Variants in ANXA8 observed in about 807,000 individuals in gnomAD.
ANXA8 encodes annexin A8.
Under a neutral mutation model 26.8 loss-of-function variants are expected in ANXA8, and 9 were observed. The ratio of observed to expected loss-of-function variants is 0.34; its 90% CI spans 0.20 to 0.59. ANXA8 has a LOEUF of 0.59. Ranked by LOEUF, ANXA8 falls within the 20% of genes least tolerant of loss-of-function variation. The pLI, the probability that ANXA8 is intolerant of heterozygous loss-of-function variation, is 0.84. For synonymous variants in ANXA8, 39 were observed against 94.8 expected (o/e 0.41, Z 3.42); for missense variants, 83 against 238.5 (o/e 0.35, Z 4.29).
chr10:47,666,806 AT>A, the ANXA8 span, among the ~76,000 whole-genome samples: 1 of 151,812 alleles, frequency 6.6e-6, no homozygotes, highest in Admixed American at 6.6e-5. Flanking sequence ...CTCCACCTTC[AT>A]TTCCTCTTCT....
the ANXA8 span, among the ~76,000 whole-genome samples, chr10:47,599,174 T>C: frequency 6.9e-6 from 1 of 144,656 alleles, no homozygotes; most frequent in Non-Finnish European, 1.5e-5. Flanking sequence ...CATATTTAAG[T>C]GACTACACTA....
the ANXA8 span, among the ~76,000 whole-genome samples, chr10:47,937,211 T>C: frequency 6.7e-6 from 1 of 149,474 alleles, no homozygotes; most frequent in Non-Finnish European, 1.5e-5. Flanking sequence ...CCGAAAGAGG[T>C]GCCTGGGCCC....
the ANXA8 span, among the ~76,000 whole-genome samples, chr10:47,552,714 G>T: frequency 6.6e-6 from 1 of 151,872 alleles, no homozygotes; most frequent in Non-Finnish European, 1.5e-5. Context: ...GGAATATCGG[G>T]CTGCATAAAA....
the ANXA8 span, among the ~76,000 whole-genome samples, chr10:47,695,232 G>A: frequency 1.8e-4 from 27 of 151,010 alleles, 1 homozygote; most frequent in East Asian, 9.7e-4. Flanking sequence ...TATATCACTC[G>A]CCTGAACTCA....
the ANXA8 span, among the ~76,000 whole-genome samples, chr10:47,681,155 G>A: frequency 6.6e-6 from 1 of 151,980 alleles, no homozygotes; most frequent in African/African-American, 2.4e-5. Flanking sequence ...GCAGGTGGAG[G>A]TGGAGAAAAG....
At chr10:47,578,707 AAC>A in the ANXA8 span, among the ~76,000 whole-genome samples, 1 of 118,960 alleles carries the variant, frequency 8.4e-6, no homozygotes, top group Non-Finnish European at 1.7e-5. Context: ...ACAGAAAAGG[AAC>A]TAAGAAAGGA....
the ANXA8 span, among the ~76,000 whole-genome samples, chr10:47,554,712 G>A: frequency 1.3e-5 from 2 of 151,460 alleles, no homozygotes; most frequent in Non-Finnish European, 2.9e-5. Context: ...CAGGCTTCAG[G>A]TCCTGTCACA....
the ANXA8 span, chr10:47,986,293 T>A: frequency 1.7e-5 from 3 of 173,062 alleles, no homozygotes; most frequent in African/African-American, 7.3e-5. Flanking sequence ...TTGTCTACGT[T>A]CCTTTGTGAA....
chr10:47,959,327 A>C, the ANXA8 span, among the ~76,000 whole-genome samples: 2 of 147,572 alleles, frequency 1.4e-5, no homozygotes, highest in South Asian at 4.2e-4. Flanking sequence ...TGCTTTGAGA[A>C]AAGGAATCCT....
At chr10:47,580,796 C>T in the ANXA8 span, among the ~76,000 whole-genome samples, 1 of 149,754 alleles carries the variant, frequency 6.7e-6, no homozygotes, top group Non-Finnish European at 1.5e-5. Flanking sequence ...AAAAACAGGC[C>T]AGGCTTGGTG....
chr10:47,680,704 TA>T, the ANXA8 span, among the ~76,000 whole-genome samples: 2,321 of 151,342 alleles, frequency 0.015, 22 homozygotes, highest in African/African-American at 0.053. Context: ...AAAAATAAAT[TA>T]AAAAAAAATT....
chr10:47,743,401 TGTGTGA>T, the ANXA8 span, among the ~76,000 whole-genome samples: 1 of 98,380 alleles, frequency 1.0e-5, no homozygotes, highest in African/African-American at 4.0e-5. Context: ...TGTGTGTGTG[TGTGTGA>T]GAGAGAGAGA....
chr10:47,618,353 A>G, the ANXA8 span, among the ~76,000 whole-genome samples: 2 of 111,148 alleles, frequency 1.8e-5, no homozygotes, highest in Non-Finnish European at 3.9e-5. Flanking sequence ...TTTCCCAAGT[A>G]AATGAAATGA....
the ANXA8 span, among the ~76,000 whole-genome samples, chr10:47,717,519 T>A: frequency 8.3e-6 from 1 of 119,780 alleles, no homozygotes; most frequent in South Asian, 2.4e-4. Flanking sequence ...TGAGTCCTTG[T>A]AAAGAAATGA....
At chr10:47,733,164 T>G in the ANXA8 span, among the ~76,000 whole-genome samples, 1 of 98,988 alleles carries the variant, frequency 1.0e-5, no homozygotes, top group African/African-American at 3.2e-5. Context: ...TTTCTTTCTT[T>G]CTTTCTTTCT....
the ANXA8 span, among the ~76,000 whole-genome samples, chr10:47,679,872 C>T: frequency 2.6e-5 from 4 of 152,098 alleles, no homozygotes; most frequent in East Asian, 1.9e-4. Context: ...GAACTGTGTT[C>T]GTGCCACTGC....
the ANXA8 span, among the ~76,000 whole-genome samples, chr10:47,686,305 G>A: frequency 6.9e-6 from 1 of 145,766 alleles, no homozygotes; most frequent in Non-Finnish European, 1.5e-5. Flanking sequence ...TGCAACTTCT[G>A]CCTCCTGGGT....
At chr10:47,565,723 G>A in the ANXA8 span, 9 of 522,620 alleles carry the variant, frequency 1.7e-5, no homozygotes, top group Non-Finnish European at 2.7e-5. Flanking sequence ...CGGTGCTTCA[G>A]CCCCGAGGGC....
At chr10:47,651,156 T>C in the ANXA8 span, among the ~76,000 whole-genome samples, 343 of 149,692 alleles carry the variant, frequency 2.3e-3, 4 homozygotes, top group East Asian at 0.036. Context: ...GCAGTGATGG[T>C]GCCACTGCAC....
Sources: allele counts gnomAD v4.1 joint callset (sites outside exome capture counted in the v4.1 genomes callset), GRCh38; gene constraint gnomAD v4.1.1; transcripts MANE v1.5; gene names NCBI Gene and HGNC (gene_info 2026-07-23, HGNC 2026-07-21).